Variants in CHRM5 observed in about 807,000 individuals in gnomAD.
CHRM5 encodes muscarinic acetylcholine receptor M5.
CHRM5 carries 18 observed loss-of-function variants against 39.0 expected under a neutral mutation model. The ratio of observed to expected loss-of-function variants is 0.46; its 90% CI spans 0.32 to 0.68. CHRM5 has a LOEUF of 0.68. Ranked by LOEUF, CHRM5 falls within the 30% of genes least tolerant of loss-of-function variation. The probability of loss-of-function intolerance (pLI) is 0.04; values close to 1 mark genes in which losing one functional copy is unlikely to be tolerated. For missense variants in CHRM5, 515 were observed against 651.1 expected (o/e 0.79, Z 2.28); for synonymous variants, 241 against 246.3 (o/e 0.98, Z 0.20).
At chr15:34,019,671 A>C (rs1293237502) in intron 1 of CHRM5, among the ~76,000 whole-genome samples, 1 of 152,208 alleles carries the variant, frequency 6.6e-6, no homozygotes, top group Non-Finnish European at 1.5e-5. Context: ...ACACACAAAT[A>C]CTTACCATTG....
intron 1 of CHRM5, among the ~76,000 whole-genome samples, chr15:34,004,670 T>C (rs1295290736): frequency 6.6e-6 from 1 of 152,154 alleles, no homozygotes; most frequent in Non-Finnish European, 1.5e-5. Context: ...CATGTGAGGT[T>C]TGCTCCAAAA....
rs1351739214 is a variant in CHRM5, at chr15:34,066,068, G to C, written c.*1752G>C. 1 of 152,296 alleles carries C rather than the reference G, an allele frequency of 6.6e-6. No homozygotes were observed. Among genetic ancestry groups the C allele is most frequent in the Admixed American group, 6.5e-5 (1 of 15,290 alleles). The allele number at this position is 152,296 out of a possible 1,614,324, so 9.4% of individuals were successfully genotyped here. On this transcript the variant is annotated 3_prime_UTR_variant, in exon 3 of 3. Coordinates refer to ENST00000383263, the MANE Select transcript of CHRM5 (RefSeq NM_012125.4). ...TTCAGGGTAGTAGAATCTCAGGCAG[G>C]ACGGGACTGGTCCCTTATAAAGACT...
At chr15:34,002,175 C>T (rs1465906020) in intron 1 of CHRM5, among the ~76,000 whole-genome samples, 1 of 152,148 alleles carries the variant, frequency 6.6e-6, no homozygotes, top group Non-Finnish European at 1.5e-5. Context: ...TTTATTCATA[C>T]TCATTTGTGC....
At chr15:34,030,899 T>C (rs1188980034) in intron 1 of CHRM5, among the ~76,000 whole-genome samples, 1 of 152,120 alleles carries the variant, frequency 6.6e-6, no homozygotes, top group Non-Finnish European at 1.5e-5. Context: ...ATTACAGGTA[T>C]GAGCCACTAC....
chr15:33,974,936 C>T (rs536717575), intron 1 of CHRM5, among the ~76,000 whole-genome samples: 30 of 152,230 alleles, frequency 2.0e-4, no homozygotes, highest in African/African-American at 6.0e-4. Flanking sequence ...TGCACCATTA[C>T]GCTCCAGCCT....
At chr15:33,983,170 G>GTGTATATATA (rs796742277) in intron 1 of CHRM5, among the ~76,000 whole-genome samples, 1 of 126,488 alleles carries the variant, frequency 7.9e-6, no homozygotes, top group Non-Finnish European at 1.7e-5. Context: ...ATGTGTGTGT[G>GTGTATATATA]TATATATACA....
intron 1 of CHRM5, among the ~76,000 whole-genome samples, chr15:33,985,181 G>A (rs1006253247): frequency 2.6e-5 from 4 of 151,998 alleles, no homozygotes; most frequent in Admixed American, 6.5e-5. Flanking sequence ...AGGTTAGCCT[G>A]TTACTGTTTC....
chr15:34,031,984 T>A (rs1898860456), intron 1 of CHRM5, among the ~76,000 whole-genome samples: 2 of 151,280 alleles, frequency 1.3e-5, no homozygotes, highest in Admixed American at 1.3e-4. Context: ...ATTAAAGTAC[T>A]TATTTCTGGC....
intron 1 of CHRM5, among the ~76,000 whole-genome samples, chr15:34,021,233 A>T (rs914622957): frequency 2.0e-5 from 3 of 151,470 alleles, no homozygotes; most frequent in Non-Finnish European, 2.9e-5. Flanking sequence ...TCGCCTCCCA[A>T]GTAGCTTAGG....
chr15:34,045,084 A>G (rs1358459305), intron 1 of CHRM5, among the ~76,000 whole-genome samples: 1 of 152,198 alleles, frequency 6.6e-6, no homozygotes, highest in Non-Finnish European at 1.5e-5. Flanking sequence ...AAAGTAATTT[A>G]ATGACCTCAG....
At chr15:33,985,786 G>A (rs646339) in intron 1 of CHRM5, among the ~76,000 whole-genome samples, 142,159 of 152,088 alleles carry the variant, frequency 0.93, 67,040 homozygotes, top group Non-Finnish European at 1. Flanking sequence ...GGCCATGTAC[G>A]CAGTCACTTA....
chr15:34,015,226 G>A (rs9806210), intron 1 of CHRM5, among the ~76,000 whole-genome samples: 42,902 of 152,042 alleles, frequency 0.28, 7,503 homozygotes, highest in African/African-American at 0.49. Context: ...GCTCACGCCT[G>A]TAATCCCAGC....
At chr15:33,987,436 C>T (rs1420956265) in intron 1 of CHRM5, among the ~76,000 whole-genome samples, 1 of 152,170 alleles carries the variant, frequency 6.6e-6, no homozygotes, top group Non-Finnish European at 1.5e-5. Flanking sequence ...CTCTTGCCTC[C>T]ACAGTGTTAG....
chr15:33,976,883 T>G (rs1371155206), intron 1 of CHRM5, among the ~76,000 whole-genome samples: 1 of 152,100 alleles, frequency 6.6e-6, no homozygotes, highest in East Asian at 1.9e-4. Context: ...TTTCTTCCCA[T>G]CCCTGAGTCA....
At chr15:34,019,072 C>T (rs1567470954) in intron 1 of CHRM5, among the ~76,000 whole-genome samples, 1 of 151,820 alleles carries the variant, frequency 6.6e-6, no homozygotes, top group Non-Finnish European at 1.5e-5. Flanking sequence ...GGTGCATTTT[C>T]AATCCTTTAG....
At chr15:34,019,039 G>C (rs180948502) in intron 1 of CHRM5, among the ~76,000 whole-genome samples, 1 of 150,968 alleles carries the variant, frequency 6.6e-6, no homozygotes. Context: ...TGATTGGTGC[G>C]TTTTTTTTAC....
chr15:34,004,481 G>T (rs971815959), intron 1 of CHRM5, among the ~76,000 whole-genome samples: 3 of 152,176 alleles, frequency 2.0e-5, no homozygotes, highest in Non-Finnish European at 4.4e-5. Flanking sequence ...GAACAATCTA[G>T]AGAAAATAAT....
chr15:34,029,661 C>T (rs542099665), intron 1 of CHRM5, among the ~76,000 whole-genome samples: 6 of 152,112 alleles, frequency 3.9e-5, no homozygotes, highest in African/African-American at 4.8e-5. Context: ...GTGAAGGACA[C>T]CAAGGGAAAA....
intron 1 of CHRM5, among the ~76,000 whole-genome samples, chr15:33,982,178 T>C (rs1384464947): frequency 6.6e-6 from 1 of 151,624 alleles, no homozygotes; most frequent in Non-Finnish European, 1.5e-5. Flanking sequence ...TAAATAAGAG[T>C]TATTTTAACA....
Sources: gnomAD v4.1 joint callset for allele counts (sites outside exome capture counted in the v4.1 genomes callset) on GRCh38, gnomAD v4.1.1 for gene constraint, MANE v1.5 for transcripts, NCBI Gene and HGNC (gene_info 2026-07-23, HGNC 2026-07-21) for gene names.